SNTB1: variants seen among roughly 807,000 people sequenced by gnomAD.
SNTB1 encodes the protein beta-1-syntrophin.
SNTB1 carries 36 observed loss-of-function variants against 48.9 expected under a neutral mutation model. That is an observed-to-expected ratio of 0.74 (90% confidence interval 0.56 to 0.97). SNTB1 has a LOEUF of 0.97. Ranked by LOEUF, SNTB1 falls within the 50% of genes least tolerant of loss-of-function variation. The pLI, the probability that SNTB1 is intolerant of heterozygous loss-of-function variation, is 0.00. For missense variants in SNTB1, 786 were observed against 703.4 expected, an observed-to-expected ratio of 1.12 and a Z score of -1.33; for synonymous variants, 299 against 294.6, an observed-to-expected ratio of 1.01 and a Z score of -0.15.
At chr8:120,758,284 G>A (rs1288334390) in intron 1 of SNTB1, among the ~76,000 whole-genome samples, 1 of 152,130 alleles carries the variant, frequency 6.6e-6, no homozygotes, top group East Asian at 1.9e-4. Context: ...GCAAACCCAA[G>A]ATCCCTGACT....
chr8:120,619,283 T>C (rs1053824360), intron 3 of SNTB1, among the ~76,000 whole-genome samples: 6 of 151,650 alleles, frequency 4.0e-5, no homozygotes, highest in South Asian at 2.1e-4. Flanking sequence ...TAATGGGGTA[T>C]TGGTGAAAAT....
At chr8:120,726,726 A>G (rs1164274232) in intron 1 of SNTB1, among the ~76,000 whole-genome samples, 1 of 150,762 alleles carries the variant, frequency 6.6e-6, no homozygotes, top group African/African-American at 2.4e-5. Flanking sequence ...GAGATCTACA[A>G]TGTAGGAAGT....
At chr8:120,610,793 G>A in intron 3 of SNTB1, among the ~76,000 whole-genome samples, 1 of 152,154 alleles carries the variant, frequency 6.6e-6, no homozygotes, top group East Asian at 1.9e-4. Flanking sequence ...TCTCTGTTAA[G>A]AGACTGCTTT....
At chr8:120,561,330 A>C (rs1240356337) in intron 4 of SNTB1, among the ~76,000 whole-genome samples, 1 of 142,710 alleles carries the variant, frequency 7.0e-6, no homozygotes, top group East Asian at 2.0e-4. Flanking sequence ...AAAAAAAAAA[A>C]AAAAAAAAAA....
chr8:120,789,956 T>C (rs943416346), intron 1 of SNTB1, among the ~76,000 whole-genome samples: 4 of 151,982 alleles, frequency 2.6e-5, no homozygotes, highest in South Asian at 2.1e-4. Context: ...TACAGACCAA[T>C]GTATTTGATG....
chr8:120,641,426 A>G (rs1188963291), intron 2 of SNTB1, among the ~76,000 whole-genome samples: 1 of 152,228 alleles, frequency 6.6e-6, no homozygotes, highest in Non-Finnish European at 1.5e-5. Flanking sequence ...CAAAGAAACG[A>G]CATCTTGGGA....
intron 1 of SNTB1, among the ~76,000 whole-genome samples, chr8:120,708,094 G>T (rs1284370483): frequency 6.6e-6 from 1 of 151,588 alleles, no homozygotes; most frequent in African/African-American, 2.4e-5. Context: ...AATGACATCA[G>T]ATATAATATA....
At chr8:120,545,091 C>T (rs1389400956) in intron 5 of SNTB1, among the ~76,000 whole-genome samples, 2 of 152,156 alleles carry the variant, frequency 1.3e-5, no homozygotes, top group African/African-American at 2.4e-5. Context: ...TGCCTGTAAT[C>T]CCAGCACTTT....
intron 1 of SNTB1, among the ~76,000 whole-genome samples, chr8:120,750,859 T>C (rs1258137737): frequency 1.3e-5 from 2 of 152,064 alleles, no homozygotes; most frequent in Non-Finnish European, 2.9e-5. Context: ...GGAATTTAAG[T>C]ATGGGGAAAA....
intron 1 of SNTB1, among the ~76,000 whole-genome samples, chr8:120,781,511 AC>A (rs146230140): frequency 0.037 from 5,581 of 152,278 alleles, 141 homozygotes; most frequent in South Asian, 0.094. Context: ...ATTTAGACTC[AC>A]AAAGTCACAA....
intron 4 of SNTB1, among the ~76,000 whole-genome samples, chr8:120,564,415 G>T (rs1479321630): frequency 6.7e-6 from 1 of 150,356 alleles, no homozygotes; most frequent in African/African-American, 2.4e-5. Context: ...GATCATGCTG[G>T]CACTTAATCT....
At chr8:120,660,568 C>A (rs377346791) in intron 2 of SNTB1, among the ~76,000 whole-genome samples, 4 of 152,310 alleles carry the variant, frequency 2.6e-5, no homozygotes, top group African/African-American at 9.6e-5. Flanking sequence ...CACACTAAAA[C>A]CTTTTCCATA....
chr8:120,627,641 T>C (rs1002235775), intron 3 of SNTB1, among the ~76,000 whole-genome samples: 2 of 152,164 alleles, frequency 1.3e-5, no homozygotes, highest in Non-Finnish European at 2.9e-5. Flanking sequence ...GAGAAGATCT[T>C]GGTAAGTGTT....
At chr8:120,684,041 C>T (rs749952034) in intron 2 of SNTB1, among the ~76,000 whole-genome samples, 30 of 152,280 alleles carry the variant, frequency 2.0e-4, no homozygotes, top group Non-Finnish European at 4.1e-4. Context: ...TTATTGATCA[C>T]AGTTCTGGGG....
chr8:120,784,354 G>A (rs1819885956), intron 1 of SNTB1, among the ~76,000 whole-genome samples: 1 of 151,858 alleles, frequency 6.6e-6, no homozygotes. Context: ...AGGGAGTCTT[G>A]GAACCAATCC....
At chr8:120,710,651 G>A (rs1413951525) in intron 1 of SNTB1, among the ~76,000 whole-genome samples, 1 of 152,042 alleles carries the variant, frequency 6.6e-6, no homozygotes, top group African/African-American at 2.4e-5. Flanking sequence ...GGCCCTTTTT[G>A]CCCTTCTGCC....
At chr8:120,563,250 CA>C (rs965382105) in intron 4 of SNTB1, among the ~76,000 whole-genome samples, 1 of 151,188 alleles carries the variant, frequency 6.6e-6, no homozygotes, top group African/African-American at 2.4e-5. Flanking sequence ...TGACAGTGAC[CA>C]AAAAAACCAA....
At chr8:120,763,116 T>G (rs1435627791) in intron 1 of SNTB1, among the ~76,000 whole-genome samples, 3 of 152,218 alleles carry the variant, frequency 2.0e-5, no homozygotes, top group Non-Finnish European at 4.4e-5. Context: ...TAGAACAATT[T>G]ATATGATTTC....
rs150791370 is a variant in SNTB1, at chr8:120,563,804, C to T, written c.1136+11282G>A. Among the ~76,000 whole-genome samples, 10 of 152,158 alleles carry T rather than the reference C, an allele frequency of 6.6e-5. No homozygotes were observed. The East Asian group carries it at 9.7e-4, about 15-fold the overall frequency. ...GACTGACAGTCACCTGGCCCTACTA[C>T]GTGTGTTTATGAAAAATAAGGCTGG... On this transcript the variant is annotated intron_variant, in intron 4 of 6. Coordinates refer to ENST00000517992, the MANE Select transcript of SNTB1 (RefSeq NM_021021.4).
Sources: allele counts gnomAD v4.1 joint callset (sites outside exome capture counted in the v4.1 genomes callset), GRCh38; gene constraint gnomAD v4.1.1; transcripts MANE v1.5; gene names NCBI Gene and HGNC (gene_info 2026-07-23, HGNC 2026-07-21).